Variants in SUPT3H observed in about 807,000 individuals in gnomAD.
The protein encoded by SUPT3H is transcription initiation protein SPT3 homolog.
SUPT3H carries 44 observed loss-of-function variants against 44.3 expected under a neutral mutation model. That is an observed-to-expected ratio of 0.99 (90% CI 0.78 to 1.28). The LOEUF is 1.28. Among genes scored for constraint, SUPT3H ranks in the 50% most tolerant of loss-of-function variants. The probability of loss-of-function intolerance (pLI) is 0.00; values close to 1 mark genes in which losing one functional copy is unlikely to be tolerated. For synonymous variants in SUPT3H, 124 were observed against 125.6 expected (o/e 0.99, Z 0.09); for missense variants, 380 against 387.1 (o/e 0.98, Z 0.15).
chr6:45,007,921 A>G (rs1023071846), intron 5 of SUPT3H, among the ~76,000 whole-genome samples: 2 of 152,150 alleles, frequency 1.3e-5, no homozygotes, highest in African/African-American at 4.8e-5. Context: ...CATTTCATAT[A>G]AATAGAATAA....
intron 2 of SUPT3H, among the ~76,000 whole-genome samples, chr6:45,284,012 G>A (rs1778702263): frequency 6.6e-6 from 1 of 152,036 alleles, no homozygotes; most frequent in Admixed American, 6.6e-5. Context: ...AATATGAAAT[G>A]AAAACAGAAA....
intron 2 of SUPT3H, among the ~76,000 whole-genome samples, chr6:45,340,402 C>T (rs905647658): frequency 1.3e-5 from 2 of 152,098 alleles, no homozygotes; most frequent in South Asian, 4.1e-4. Flanking sequence ...CAGCTCACTG[C>T]AACTTTGACC....
intron 2 of SUPT3H, among the ~76,000 whole-genome samples, chr6:45,363,890 T>TA (rs1419732915): frequency 6.6e-6 from 1 of 151,886 alleles, no homozygotes; most frequent in Non-Finnish European, 1.5e-5. Context: ...AGTTAATGCA[T>TA]AAATTTCTTT....
chr6:45,138,923 C>T (rs1458141893), intron 2 of SUPT3H, among the ~76,000 whole-genome samples: 1 of 152,128 alleles, frequency 6.6e-6, no homozygotes, highest in Non-Finnish European at 1.5e-5. Flanking sequence ...TGTATTATTA[C>T]TGCAACACTG....
intron 2 of SUPT3H, among the ~76,000 whole-genome samples, chr6:45,336,119 T>C (rs1788495483): frequency 6.6e-6 from 1 of 151,364 alleles, no homozygotes; most frequent in Non-Finnish European, 1.5e-5. Flanking sequence ...AATTCTTCTA[T>C]TCTCCCAGTT....
At chr6:45,004,249 A>C (rs1782397833) in intron 5 of SUPT3H, among the ~76,000 whole-genome samples, 1 of 152,110 alleles carries the variant, frequency 6.6e-6, no homozygotes, top group East Asian at 1.9e-4. Flanking sequence ...ACACTAAAGG[A>C]GACAGGGTGA....
At chr6:44,864,599 G>T (rs374122062) in intron 10 of SUPT3H, among the ~76,000 whole-genome samples, 1 of 152,168 alleles carries the variant, frequency 6.6e-6, no homozygotes, top group Non-Finnish European at 1.5e-5. Context: ...TCAACACCAC[G>T]TGGCAGCTGC....
intron 2 of SUPT3H, chr6:45,323,018 T>C: frequency 1.4e-5 from 16 of 1,129,668 alleles, no homozygotes; most frequent in Non-Finnish European, 2.1e-5. Context: ...TTAATAGAGA[T>C]ACAGACAGAC....
intron 10 of SUPT3H, among the ~76,000 whole-genome samples, chr6:44,871,155 G>A (rs1776391983): frequency 6.7e-6 from 1 of 150,172 alleles, no homozygotes; most frequent in Admixed American, 6.6e-5. Context: ...CACAGCTCAA[G>A]GAGGCCTGCC....
intron 2 of SUPT3H, among the ~76,000 whole-genome samples, chr6:45,180,813 G>C (rs924873407): frequency 1.3e-5 from 2 of 151,826 alleles, no homozygotes; most frequent in Non-Finnish European, 2.9e-5. Context: ...CATGGGCAAG[G>C]ACTTCATGTC....
At chr6:45,240,495 T>C (rs923473851) in intron 2 of SUPT3H, among the ~76,000 whole-genome samples, 1 of 152,246 alleles carries the variant, frequency 6.6e-6, no homozygotes, top group African/African-American at 2.4e-5. Context: ...TCTGCTCCTA[T>C]AATTAGGCGT....
intron 2 of SUPT3H, among the ~76,000 whole-genome samples, chr6:45,356,316 A>G (rs1467545088): frequency 6.6e-6 from 1 of 152,124 alleles, no homozygotes; most frequent in Non-Finnish European, 1.5e-5. Context: ...TTAGTATATT[A>G]AAAACACACA....
intron 2 of SUPT3H, among the ~76,000 whole-genome samples, chr6:45,245,731 T>C (rs1771220746): frequency 6.6e-6 from 1 of 152,162 alleles, no homozygotes; most frequent in Non-Finnish European, 1.5e-5. Flanking sequence ...TTGTGAATAA[T>C]GCTGCTACAA....
rs1763321071 is a variant in SUPT3H, at chr6:44,891,577, G to A, written c.912+41076C>T. The stretch of plus-strand genomic sequence containing the variant: ...TCTTATAGATAGAAAGTCGATAGAG[G>A]CTATTAGGGATTGGGGTTGGGGAGG... On this transcript the variant is annotated intron_variant, in intron 10 of 10. Coordinates refer to ENST00000371459, the MANE Select transcript of SUPT3H (RefSeq NM_003599.4). Among the ~76,000 whole-genome samples, 3 of 152,110 alleles carry A rather than the reference G, an allele frequency of 2.0e-5. No homozygotes were observed. The South Asian group carries it at 6.2e-4, about 32-fold the overall frequency.
At chr6:45,287,264 AAAATAT>A (rs1022857535) in intron 2 of SUPT3H, among the ~76,000 whole-genome samples, 7 of 102,914 alleles carry the variant, frequency 6.8e-5, no homozygotes, top group African/African-American at 4.9e-4. Context: ...TAAAAAATAA[AAAATAT>A]AAAAAATTAT....
intron 2 of SUPT3H, among the ~76,000 whole-genome samples, chr6:45,244,202 T>G (rs2059961658): frequency 6.6e-6 from 1 of 152,146 alleles, no homozygotes; most frequent in African/African-American, 2.4e-5. Flanking sequence ...GATTACCATT[T>G]AGATCAGAGA....
In SUPT3H at chr6:45,331,117, G is replaced by GTT. The variant is rs1787400439; in HGVS notation, c.101+34083_101+34084insAA. On this transcript the variant is annotated intron_variant, in intron 2 of 10. Coordinates refer to ENST00000371459, the MANE Select transcript of SUPT3H (RefSeq NM_003599.4). Reference sequence around the variant, plus strand: ...AATACAATGAGTGGTGTGTGTGTGTGTGTGTGTGTGCGCGCGCGCGCGCAC... The same window carrying GTT: ...AATACAATGAGTGGTGTGTGTGTGTGTTTGTGTGTGTGCGCGCGCGCGCGCAC... Among the ~76,000 whole-genome samples the GTT allele has an allele frequency of 2.0e-5, 3 of 149,846 alleles. No homozygotes were observed. In the South Asian group the frequency reaches 6.2e-4, roughly 31 times the overall value.
chr6:45,127,015 A>C (rs1194122831), intron 2 of SUPT3H, among the ~76,000 whole-genome samples: 1 of 152,152 alleles, frequency 6.6e-6, no homozygotes, highest in Non-Finnish European at 1.5e-5. Flanking sequence ...AATATTATTA[A>C]TAATAAAAAA....
intron 10 of SUPT3H, among the ~76,000 whole-genome samples, chr6:44,920,470 G>A (rs749772932): frequency 3.3e-5 from 5 of 151,192 alleles, no homozygotes; most frequent in Admixed American, 6.6e-5. Context: ...CCTGAGGTAC[G>A]AGGATCACTT....
Sources: allele counts gnomAD v4.1 joint callset (sites outside exome capture counted in the v4.1 genomes callset), GRCh38; gene constraint gnomAD v4.1.1; transcripts MANE v1.5; gene names NCBI Gene and HGNC (gene_info 2026-07-23, HGNC 2026-07-21).